The following RBFOX2 variants were observed in gnomAD, a reference collection of about 807,000 sequenced individuals.
The protein encoded by RBFOX2 is RNA binding fox-1 homolog 2.
RBFOX2 carries 10 observed loss-of-function variants against 49.1 expected under a neutral mutation model. That is an observed-to-expected ratio of 0.20 (90% confidence interval 0.13 to 0.35). The LOEUF (loss-of-function observed/expected upper bound fraction) is 0.35, where lower values mean the gene tolerates loss of function less well. Among genes scored for constraint, RBFOX2 ranks in the 10% least tolerant of loss-of-function variants. The pLI, the probability that RBFOX2 is intolerant of heterozygous loss-of-function variation, is 1.00. For synonymous variants in RBFOX2, 183 were observed against 187.4 expected (o/e 0.98, Z 0.19); for missense variants, 323 against 486.9 (o/e 0.66, Z 3.17).
At chr22:35,785,430 A>G (rs892970185) in intron 2 of RBFOX2, among the ~76,000 whole-genome samples, 1 of 152,162 alleles carries the variant, frequency 6.6e-6, no homozygotes, top group Non-Finnish European at 1.5e-5. Flanking sequence ...ACAGGAGTGG[A>G]ACTTGCTGTT....
At chr22:35,853,029 C>T (rs1213512009) in intron 1 of RBFOX2, among the ~76,000 whole-genome samples, 1 of 152,146 alleles carries the variant, frequency 6.6e-6, no homozygotes, top group Non-Finnish European at 1.5e-5. Context: ...CACAGTGGCT[C>T]ATGCCTGTAA....
rs115435284 is a variant in RBFOX2, at chr22:35,792,522, T to C, written c.253-10776A>G. Among the ~76,000 whole-genome samples the C allele has an allele frequency of 2.7e-3, 405 of 152,262 alleles. 4 individuals are homozygous for C. The highest frequency in any genetic ancestry group is 9.5e-3 in the African/African-American group (394 of 41,546). ...TTGAATAAAATAAGATTATGACATA[T>C]TTAATATTCAACGAATTGAAATGGA... On this transcript the variant is annotated intron_variant, in intron 2 of 11. Transcript: ENST00000405409.
At chr22:36,016,208 GA>G (rs572719997) in intron 1 of RBFOX2, among the ~76,000 whole-genome samples, 7 of 148,428 alleles carry the variant, frequency 4.7e-5, no homozygotes, top group East Asian at 2.0e-4. Flanking sequence ...CTTCTTAAAA[GA>G]AAAAAAAAAG....
chr22:35,821,538 G>A (rs980750278), intron 1 of RBFOX2, among the ~76,000 whole-genome samples: 4 of 138,534 alleles, frequency 2.9e-5, no homozygotes, highest in Non-Finnish European at 4.6e-5. Flanking sequence ...GGAGGTGGAC[G>A]TTGCAGTGAG....
At chr22:35,840,794 A>G (rs1569355153), upstream of RBFOX2, among the ~76,000 whole-genome samples, 1 of 152,370 alleles carries the variant, frequency 6.6e-6, no homozygotes, top group East Asian at 1.9e-4. Context: ...GATTCCAGCC[A>G]TGAATGTCAA....
chr22:35,985,308 T>A (rs530654382), intron 1 of RBFOX2, among the ~76,000 whole-genome samples: 5 of 152,146 alleles, frequency 3.3e-5, no homozygotes, highest in Admixed American at 6.5e-5. Flanking sequence ...AACTACCTAC[T>A]AGGTTTTCAG....
intron 9 of RBFOX2, chr22:35,750,565 T>G: frequency 1.4e-6 from 1 of 726,640 alleles, no homozygotes; most frequent in Non-Finnish European, 2.4e-6. Flanking sequence ...GATAGCTGGA[T>G]AAATTTGGCT....
chr22:35,925,540 G>C (rs1279862392), intron 1 of RBFOX2, among the ~76,000 whole-genome samples: 1 of 152,076 alleles, frequency 6.6e-6, no homozygotes, highest in Non-Finnish European at 1.5e-5. Context: ...AAAAAGCAAA[G>C]TAGAAAGCAT....
chr22:35,868,195 G>A (rs1331043894), intron 1 of RBFOX2, among the ~76,000 whole-genome samples: 1 of 152,074 alleles, frequency 6.6e-6, no homozygotes, highest in Non-Finnish European at 1.5e-5. Context: ...TGAGCAATGG[G>A]ACCTGGGTGA....
chr22:35,868,375 C>A (rs1160540993), intron 1 of RBFOX2, among the ~76,000 whole-genome samples: 1 of 152,078 alleles, frequency 6.6e-6, no homozygotes, highest in Non-Finnish European at 1.5e-5. Flanking sequence ...TAGGTTAACA[C>A]CATAGTGCTT....
chr22:35,811,552 T>G (rs1017438716), intron 1 of RBFOX2, among the ~76,000 whole-genome samples: 2 of 152,126 alleles, frequency 1.3e-5, no homozygotes, highest in African/African-American at 4.8e-5. Context: ...GAAAATACAT[T>G]GCTATATTGT....
chr22:35,932,880 GACA>G (rs2052593762), intron 1 of RBFOX2, among the ~76,000 whole-genome samples: 1 of 152,090 alleles, frequency 6.6e-6, no homozygotes, highest in African/African-American at 2.4e-5. Context: ...CAAAAAAATT[GACA>G]ACATGACATT....
intron 1 of RBFOX2, among the ~76,000 whole-genome samples, chr22:35,862,380 G>C (rs5755968): frequency 0.13 from 19,764 of 150,102 alleles, 2,861 homozygotes; most frequent in African/African-American, 0.36. Flanking sequence ...TCTTTGGAGG[G>C]GGGGGGGAAT....
intron 9 of RBFOX2, chr22:35,748,226 CTTTG>C (rs1014063193): frequency 2.0e-5 from 3 of 152,156 alleles, no homozygotes; most frequent in Non-Finnish European, 4.4e-5. Flanking sequence ...ATTATTCCTC[CTTTG>C]TTTTTCAAAT....
At chr22:35,973,443 T>C (rs1441963890) in intron 1 of RBFOX2, among the ~76,000 whole-genome samples, 1 of 152,182 alleles carries the variant, frequency 6.6e-6, no homozygotes, top group Admixed American at 6.5e-5. Flanking sequence ...GCAGGAACAC[T>C]GAAAACTCCC....
chr22:36,020,700 C>T (rs1031010539), intron 1 of RBFOX2, among the ~76,000 whole-genome samples: 2 of 152,094 alleles, frequency 1.3e-5, no homozygotes, highest in African/African-American at 2.4e-5. Flanking sequence ...AATGAGATAC[C>T]ATCTCACAAC....
intron 1 of RBFOX2, among the ~76,000 whole-genome samples, chr22:35,832,376 A>C (rs1479166958): frequency 6.6e-6 from 1 of 152,130 alleles, no homozygotes; most frequent in Non-Finnish European, 1.5e-5. Context: ...CTGTCTCAAA[A>C]ACAACAAAAA....
intron 1 of RBFOX2, among the ~76,000 whole-genome samples, chr22:35,854,212 C>CTAATAATAA (rs145238669): frequency 7.3e-5 from 11 of 150,876 alleles, no homozygotes; most frequent in East Asian, 1.9e-4. Flanking sequence ...AACTCTGTCT[C>CTAATAATAA]TAATAATAAT....
Position 35,920,732 on chromosome 22 carries a change from C to T in RBFOX2, c.-34+18115G>A, listed in dbSNP as rs1386050232. ...TACAACCTTACAAGGGACTACTTGGCAGCCATGAAATGATGCAGCAGACAT... is the reference window on the plus strand; with the variant it reads ...TACAACCTTACAAGGGACTACTTGGTAGCCATGAAATGATGCAGCAGACAT... On this transcript the variant is annotated intron_variant, in intron 1 of 13. Transcript: ENST00000359369. Among the ~76,000 whole-genome samples, 3 of 152,250 alleles carry T rather than the reference C, an allele frequency of 2.0e-5. No homozygotes were observed. In the East Asian group the frequency reaches 5.8e-4, roughly 29 times the overall value.
Sources: gnomAD v4.1 joint callset for allele counts (sites outside exome capture counted in the v4.1 genomes callset) on GRCh38, gnomAD v4.1.1 for gene constraint, MANE v1.5 for transcripts, NCBI Gene and HGNC (gene_info 2026-07-23, HGNC 2026-07-21) for gene names.